The following SAMMSON variants were observed in gnomAD, a reference collection of about 807,000 sequenced individuals.
SAMMSON encodes long intergenic non-protein coding RNA 1212.
intron 2 of SAMMSON, among the ~76,000 whole-genome samples, chr3:70,398,092 TAG>T (rs1701106996): frequency 6.6e-6 from 1 of 152,178 alleles, no homozygotes; most frequent in Non-Finnish European, 1.5e-5. Flanking sequence ...AGCAAATCTA[TAG>T]TATGCAGCAA....
chr3:70,021,753 G>A (rs937630103), intron 3 of SAMMSON, among the ~76,000 whole-genome samples: 2 of 151,936 alleles, frequency 1.3e-5, no homozygotes, highest in Non-Finnish European at 2.9e-5. Flanking sequence ...TTGGACTGTA[G>A]CCTGCTCCAA....
At position 70,343,337 on chromosome 3, in the gene SAMMSON, G is replaced by A. The variant is rs114284631; in HGVS notation, n.740-10838G>A. Among the ~76,000 whole-genome samples, 525 of 151,922 alleles carry A rather than the reference G, an allele frequency of 3.5e-3. 5 individuals are homozygous for A. The highest frequency in any genetic ancestry group is 0.012 in the African/African-American group (510 of 41,432). ...TTTTTCGGTTCCAGGATGTCATATA[G>A]GATACCTCATTACCTTTAGTATTAA... On this transcript the variant is annotated intron_variant and non_coding_transcript_variant, in intron 7 of 9. Transcript: ENST00000642114.
At chr3:70,277,183 G>T (rs1159811017) in intron 6 of SAMMSON, among the ~76,000 whole-genome samples, 2 of 152,138 alleles carry the variant, frequency 1.3e-5, no homozygotes, top group East Asian at 3.9e-4. Context: ...GATTGAGAAG[G>T]CTGGAACAAT....
intron 6 of SAMMSON, among the ~76,000 whole-genome samples, chr3:70,260,062 G>A (rs7632447): frequency 0.68 from 103,678 of 152,028 alleles, 36,177 homozygotes; most frequent in Non-Finnish European, 0.76. Context: ...TATAATTCAA[G>A]ATGAGATTTG....
intron 6 of SAMMSON, among the ~76,000 whole-genome samples, chr3:70,273,097 G>A (rs1449920767): frequency 6.6e-6 from 1 of 152,160 alleles, no homozygotes; most frequent in East Asian, 1.9e-4. Flanking sequence ...TTTTGTCTGG[G>A]AAAGGCTGCC....
intron 6 of SAMMSON, among the ~76,000 whole-genome samples, chr3:70,286,211 C>A (rs949394601): frequency 3.3e-5 from 5 of 152,106 alleles, no homozygotes; most frequent in Non-Finnish European, 7.4e-5. Flanking sequence ...TTAAGTCTTA[C>A]ATCCATCTTG....
chr3:70,344,098 G>A (rs1702732058), intron 7 of SAMMSON, among the ~76,000 whole-genome samples: 1 of 152,034 alleles, frequency 6.6e-6, no homozygotes, highest in East Asian at 1.9e-4. Context: ...ATACTGGGTA[G>A]AAGAGAGCGA....
intron 7 of SAMMSON, among the ~76,000 whole-genome samples, chr3:70,321,500 G>C (rs1230187771): frequency 6.6e-6 from 1 of 151,968 alleles, no homozygotes; most frequent in African/African-American, 2.4e-5. Context: ...ATGGATATTT[G>C]GGTGGTTTCC....
At chr3:70,145,784 A>G (rs1327933930) in intron 4 of SAMMSON, among the ~76,000 whole-genome samples, 1 of 152,050 alleles carries the variant, frequency 6.6e-6, no homozygotes, top group Admixed American at 6.6e-5. Context: ...CTTCCACCTT[A>G]AGAAACTAGA....
intron 7 of SAMMSON, among the ~76,000 whole-genome samples, chr3:70,305,521 A>G (rs1702392080): frequency 6.6e-6 from 1 of 152,188 alleles, no homozygotes. Context: ...TTGGATTAAT[A>G]TTTAGTTATT....
At chr3:70,319,217 G>A (rs1412964214) in intron 7 of SAMMSON, among the ~76,000 whole-genome samples, 2 of 151,952 alleles carry the variant, frequency 1.3e-5, no homozygotes, top group African/African-American at 4.8e-5. Context: ...TCTTGTCTTT[G>A]CTGCCTTAGC....
At chr3:70,079,288 A>G (rs1379750637) in intron 4 of SAMMSON, among the ~76,000 whole-genome samples, 4 of 152,178 alleles carry the variant, frequency 2.6e-5, no homozygotes, top group African/African-American at 4.8e-5. Flanking sequence ...CTCTAGGTCC[A>G]TTGATCATCT....
At chr3:70,223,464 A>C (rs1296222521) in intron 4 of SAMMSON, among the ~76,000 whole-genome samples, 2 of 152,210 alleles carry the variant, frequency 1.3e-5, no homozygotes, top group Non-Finnish European at 2.9e-5. Flanking sequence ...ATTAAAAATG[A>C]TTCCATTTTT....
intron 6 of SAMMSON, among the ~76,000 whole-genome samples, chr3:70,268,474 C>CACAA (rs1701944664): frequency 1.0e-5 from 1 of 96,616 alleles, no homozygotes; most frequent in Non-Finnish European, 2.0e-5. Context: ...GACTCCGTCT[C>CACAA]AAAAAAAAAA....
chr3:70,177,815 C>G (rs1701018918), intron 4 of SAMMSON, among the ~76,000 whole-genome samples: 1 of 152,056 alleles, frequency 6.6e-6, no homozygotes, highest in South Asian at 2.1e-4. Context: ...TAAAATATGC[C>G]TTCTCAAGTG....
At chr3:70,090,423 C>A (rs1295279302) in intron 4 of SAMMSON, among the ~76,000 whole-genome samples, 3 of 152,102 alleles carry the variant, frequency 2.0e-5, no homozygotes, top group Non-Finnish European at 4.4e-5. Flanking sequence ...ACAGAATGTT[C>A]ATAAAATCGA....
intron 7 of SAMMSON, among the ~76,000 whole-genome samples, chr3:70,347,063 A>G (rs62258269): frequency 0.038 from 5,855 of 152,310 alleles, 186 homozygotes; most frequent in Middle Eastern, 0.061. Flanking sequence ...GAATTGGGTC[A>G]TTAGGTGGAT....
At chr3:70,007,045 C>T (rs996052911) in intron 1 of SAMMSON, among the ~76,000 whole-genome samples, 58 of 152,150 alleles carry the variant, frequency 3.8e-4, no homozygotes, top group Admixed American at 2.2e-3. Flanking sequence ...TCCAGTCTAT[C>T]ATTGTTGGAC....
chr3:70,124,542 G>A (rs915285514), intron 4 of SAMMSON, among the ~76,000 whole-genome samples: 7 of 152,040 alleles, frequency 4.6e-5, no homozygotes, highest in African/African-American at 1.2e-4. Flanking sequence ...GCCGAGTACC[G>A]TGGCTCACGC....
Sources: gnomAD v4.1 joint callset for allele counts (sites outside exome capture counted in the v4.1 genomes callset) on GRCh38, gnomAD v4.1.1 for gene constraint, MANE v1.5 for transcripts, NCBI Gene and HGNC (gene_info 2026-07-23, HGNC 2026-07-21) for gene names.